The following GAB2 variants were observed in gnomAD, a reference collection of about 807,000 sequenced individuals.
GAB2 encodes the protein GRB2-associated-binding protein 2.
In GAB2, 26 loss-of-function variants were observed where a neutral mutation model predicts 65.5. The observed-to-expected ratio is 0.40, with a 90% CI of 0.29 to 0.55. The LOEUF is 0.55. Ranked by LOEUF, GAB2 falls within the 20% of genes least tolerant of loss-of-function variation. GAB2 has a pLI of 0.53. For missense variants in GAB2, 884 were observed against 875.8 expected, an observed-to-expected ratio of 1.01 and a Z score of -0.12; for synonymous variants, 321 against 329.6, an observed-to-expected ratio of 0.97 and a Z score of 0.28.
At chr11:78,351,120 A>G (rs1300318103) in intron 1 of GAB2, among the ~76,000 whole-genome samples, 1 of 152,192 alleles carries the variant, frequency 6.6e-6, no homozygotes, top group African/African-American at 2.4e-5. Context: ...AGAACAAGGG[A>G]GCCAGAGTTC....
chr11:78,223,662 A>C lies in GAB2; in HGVS notation c.1317T>G (p.Ile439Met). 2 of 1,601,036 alleles carry C rather than the reference A, an allele frequency of 1.2e-6. No homozygotes were observed. The highest frequency in any genetic ancestry group is 1.7e-4 in the Middle Eastern group (1 of 5,990). The change falls in exon 6 of 10, where the codon ATT becomes ATG. Residue 439 changes from isoleucine to methionine, a missense_variant. Ile to Met is a conservative substitution (Grantham distance 10). Transcript: ENST00000361507. ...GVGSFLPGKM[I>M]VGRSDSTNSE... ...AATTGGTGCTGTCCGATCGGCCCAC[A>C]ATCATTTTCCCTGGCTAGGGAGAGG... is the stretch of plus-strand genomic sequence containing the variant.
chr11:78,385,433 T>C (rs1190791434), intron 1 of GAB2, among the ~76,000 whole-genome samples: 1 of 152,216 alleles, frequency 6.6e-6, no homozygotes, highest in Non-Finnish European at 1.5e-5. Context: ...CAGGTCTTAA[T>C]AAGCACTTCA....
At chr11:78,330,702 T>C (rs1855899960) in intron 1 of GAB2, among the ~76,000 whole-genome samples, 1 of 152,252 alleles carries the variant, frequency 6.6e-6, no homozygotes, top group Non-Finnish European at 1.5e-5. Context: ...TGTCTCATTG[T>C]ACATTTCCTC....
intron 1 of GAB2, among the ~76,000 whole-genome samples, chr11:78,342,751 T>G (rs1305958519): frequency 3.3e-5 from 5 of 152,164 alleles, no homozygotes; most frequent in African/African-American, 1.2e-4. Context: ...TGTGGTAGCT[T>G]CTTTTTTTTG....
At chr11:78,339,507 T>C (rs904289824) in intron 1 of GAB2, among the ~76,000 whole-genome samples, 2 of 152,126 alleles carry the variant, frequency 1.3e-5, no homozygotes, top group African/African-American at 2.4e-5. Context: ...ATACAACAAA[T>C]TGGAAGATCA....
At position 78,216,356 on chromosome 11, in the gene GAB2, G is replaced by A. The variant is rs1457402652; in HGVS notation, c.*2916C>T. 1 of 152,216 alleles carries A rather than the reference G, an allele frequency of 6.6e-6. No homozygotes were observed. Among genetic ancestry groups the A allele is most frequent in the African/African-American group, 2.4e-5 (1 of 41,436 alleles). The allele number at this position is 152,216 out of a possible 1,614,324, so 9.4% of individuals were successfully genotyped here. The stretch of plus-strand genomic sequence containing the variant: ...AGGCTCAGTCCTCTCCAGGCCCCCA[G>A]GAGAGGTGGACTTTGACCCATGGAT... On this transcript the variant is annotated 3_prime_UTR_variant, in exon 10 of 10. Coordinates refer to ENST00000361507, the MANE Select transcript of GAB2 (RefSeq NM_080491.3).
chr11:78,326,525 A>G (rs535560742), intron 1 of GAB2, among the ~76,000 whole-genome samples: 71 of 152,318 alleles, frequency 4.7e-4, no homozygotes, highest in Non-Finnish European at 8.5e-4. Context: ...TTTGGTCATG[A>G]AAGCACTCTG....
chr11:78,260,603 C>T (rs1865703082), intron 2 of GAB2, among the ~76,000 whole-genome samples: 1 of 152,054 alleles, frequency 6.6e-6, no homozygotes, highest in African/African-American at 2.4e-5. Context: ...TCCCGAGTAG[C>T]TGGGATTACA....
chr11:78,320,631 C>A (rs1219161012), intron 1 of GAB2, among the ~76,000 whole-genome samples: 8 of 151,776 alleles, frequency 5.3e-5, no homozygotes, highest in Admixed American at 5.2e-4. Context: ...CTCTGTTGCC[C>A]AGGCTGAAGT....
intron 1 of GAB2, among the ~76,000 whole-genome samples, chr11:78,384,872 T>C (rs773392606): frequency 1.3e-5 from 2 of 152,230 alleles, no homozygotes; most frequent in Non-Finnish European, 2.9e-5. Context: ...GACTGGAAGA[T>C]GGCACCTAAG....
chr11:78,274,277 C>T (rs1866103357), intron 2 of GAB2, among the ~76,000 whole-genome samples: 1 of 151,770 alleles, frequency 6.6e-6, no homozygotes. Context: ...AAGACAGACA[C>T]AAAGGAGGAC....
At chr11:78,285,976 A>G (rs1263054712) in intron 1 of GAB2, among the ~76,000 whole-genome samples, 1 of 152,236 alleles carries the variant, frequency 6.6e-6, no homozygotes, top group Non-Finnish European at 1.5e-5. Flanking sequence ...CAACTAGGAC[A>G]TGAACAAAAT....
rs751533828 is a variant in GAB2, at chr11:78,267,857, C to CAAAAAAAAAAAAAA, written c.376+12730_376+12743dup. ...TGGGTGATAGAGCGAGACTCCGTCT[C>CAAAAAAAAAAAAAA]AAAAAAAAAAAAAAAAAAAAAAAAG... On this transcript the variant is annotated intron_variant, in intron 2 of 9. Coordinates refer to ENST00000361507, the MANE Select transcript of GAB2 (RefSeq NM_080491.3). Among the ~76,000 whole-genome samples, 10 of 32,798 alleles carry CAAAAAAAAAAAAAA rather than the reference C, an allele frequency of 3.0e-4. No individual in the cohort carries two copies. The East Asian group carries it at 6.5e-3, about 21-fold the overall frequency. 21.5% of individuals were successfully genotyped at this position (32,798 alleles called of 152,430 possible). A position where few individuals can be genotyped will look rare whatever the true frequency, so the allele number is the denominator to read the frequency against.
intron 1 of GAB2, among the ~76,000 whole-genome samples, chr11:78,351,572 T>C (rs890874979): frequency 1.3e-5 from 2 of 152,212 alleles, no homozygotes; most frequent in Admixed American, 1.3e-4. Flanking sequence ...TTCTCACATC[T>C]TCTCCTTCAA....
At chr11:78,361,848 G>A (rs1856439172) in intron 1 of GAB2, among the ~76,000 whole-genome samples, 1 of 151,544 alleles carries the variant, frequency 6.6e-6, no homozygotes, top group Admixed American at 6.6e-5. Context: ...CCTTTAACCA[G>A]GCAATGCCAG....
At chr11:78,258,134 G>A (rs1893448) in intron 2 of GAB2, among the ~76,000 whole-genome samples, 40,627 of 152,000 alleles carry the variant, frequency 0.27, 6,515 homozygotes, top group African/African-American at 0.44. Flanking sequence ...GGATTAGATC[G>A]GGGGTACACA....
intron 1 of GAB2, among the ~76,000 whole-genome samples, chr11:78,321,714 A>G (rs2134663382): frequency 6.6e-6 from 1 of 152,314 alleles, no homozygotes; most frequent in East Asian, 1.9e-4. Context: ...TCAGAGATGG[A>G]GGCACCACAT....
chr11:78,316,358 A>G (rs1204429509), intron 1 of GAB2, among the ~76,000 whole-genome samples: 1 of 152,182 alleles, frequency 6.6e-6, no homozygotes, highest in East Asian at 1.9e-4. Flanking sequence ...TCATATATAC[A>G]TATTATTAGT....
At chr11:78,409,392 C>T (rs914025114) in intron 1 of GAB2, among the ~76,000 whole-genome samples, 1 of 152,180 alleles carries the variant, frequency 6.6e-6, no homozygotes, top group South Asian at 2.1e-4. Flanking sequence ...CGAGACCAGT[C>T]TGGCCAACAT....
Sources: gnomAD v4.1 joint callset for allele counts (sites outside exome capture counted in the v4.1 genomes callset) on GRCh38, gnomAD v4.1.1 for gene constraint, MANE v1.5 for transcripts, NCBI Gene and HGNC (gene_info 2026-07-23, HGNC 2026-07-21) for gene names.